The following EPHA6 variants were observed in gnomAD, a reference collection of about 807,000 sequenced individuals.
EPHA6 encodes ephrin type-A receptor 6.
A neutral mutation model predicts 112.0 loss-of-function variants in EPHA6; 50 were observed. The ratio of observed to expected loss-of-function variants is 0.45; its 90% CI spans 0.36 to 0.56. The LOEUF (loss-of-function observed/expected upper bound fraction) is 0.56. EPHA6 is among the 20% of genes least tolerant of loss of function. EPHA6 has a pLI of 0.00. For missense variants in EPHA6, 1,280 were observed against 1,417.4 expected (o/e 0.90, Z 1.56); for synonymous variants, 529 against 490.7 (o/e 1.08, Z -1.03).
intron 1 of EPHA6, among the ~76,000 whole-genome samples, chr3:96,852,904 TA>T (rs962408122): frequency 3.3e-5 from 5 of 152,150 alleles, no homozygotes; most frequent in Non-Finnish European, 5.9e-5. Context: ...TTAAAGATAA[TA>T]TCATCCATTT....
intron 13 of EPHA6, among the ~76,000 whole-genome samples, chr3:97,633,849 G>A (rs1368597813): frequency 6.6e-6 from 1 of 152,086 alleles, no homozygotes; most frequent in Admixed American, 6.6e-5. Context: ...TGTGTCATTT[G>A]TAGAGAAATA....
intron 5 of EPHA6, among the ~76,000 whole-genome samples, chr3:97,401,241 G>T (rs1458498230): frequency 6.6e-6 from 1 of 151,510 alleles, no homozygotes; most frequent in Non-Finnish European, 1.5e-5. Context: ...TTCTTTAACA[G>T]GGTGGCTGTT....
chr3:96,875,136 T>A (rs1303743203), intron 2 of EPHA6, among the ~76,000 whole-genome samples: 1 of 151,978 alleles, frequency 6.6e-6, no homozygotes, highest in Non-Finnish European at 1.5e-5. Context: ...ATAATAATAA[T>A]AATAACAGTG....
At chr3:97,092,662 C>A (rs751489078) in intron 3 of EPHA6, among the ~76,000 whole-genome samples, 10 of 151,904 alleles carry the variant, frequency 6.6e-5, no homozygotes, top group Non-Finnish European at 1.2e-4. Context: ...TATTGGTACT[C>A]TTTTCAACTT....
At chr3:97,375,527 A>G (rs567384766) in intron 5 of EPHA6, among the ~76,000 whole-genome samples, 1 of 152,266 alleles carries the variant, frequency 6.6e-6, no homozygotes, top group African/African-American at 2.4e-5. Flanking sequence ...GCCACAGACA[A>G]ATTAATCAAT....
Position 97,246,029 on chromosome 3 carries a change from A to G in EPHA6, c.1606+1742A>G, listed in dbSNP as rs115159995. Among the ~76,000 whole-genome samples, 715 of 152,182 alleles carry G rather than the reference A, an allele frequency of 4.7e-3. 5 individuals carry two copies. Among genetic ancestry groups the G allele is most frequent in the African/African-American group, 0.015 (631 of 41,566 alleles). On this transcript the variant is annotated intron_variant, in intron 5 of 17. Coordinates refer to ENST00000389672, the MANE Select transcript of EPHA6 (RefSeq NM_001080448.3). ...TACTGTGTAATTTTCCTCTTCATTT[A>G]GCATAGTTCCACATCATAGAATTTG...
At chr3:97,669,459 G>A (rs1024695817) in intron 14 of EPHA6, among the ~76,000 whole-genome samples, 2 of 151,630 alleles carry the variant, frequency 1.3e-5, no homozygotes, top group African/African-American at 4.8e-5. Context: ...AAAAAATCCA[G>A]GGTACATTTT....
At chr3:96,930,132 A>G (rs932480397) in intron 2 of EPHA6, among the ~76,000 whole-genome samples, 2 of 152,110 alleles carry the variant, frequency 1.3e-5, no homozygotes, top group African/African-American at 4.8e-5. Flanking sequence ...TTTCATCATA[A>G]TTCTTAGCTG....
In EPHA6 at chr3:97,548,266, G is replaced by A. The variant is rs182410126; in HGVS notation, c.2386+15723G>A. On this transcript the variant is annotated intron_variant, in intron 11 of 17. Coordinates refer to ENST00000389672, the MANE Select transcript of EPHA6 (RefSeq NM_001080448.3). The stretch of plus-strand genomic sequence containing the variant: ...TTATGGTTATGCATTTTTGGCAGTG[G>A]CATCACAGAAATTATACACCGTTCT... 2.6e-3 allele frequency among the ~76,000 whole-genome samples: 392 copies of A among 152,256 alleles called. 4 individuals carry two copies. Among genetic ancestry groups the A allele is most frequent in the African/African-American group, 9.1e-3 (380 of 41,552 alleles).
intron 6 of EPHA6, among the ~76,000 whole-genome samples, chr3:97,447,092 G>T (rs1337191878): frequency 6.6e-6 from 1 of 151,960 alleles, no homozygotes; most frequent in African/African-American, 2.4e-5. Flanking sequence ...CAATTCTTTA[G>T]CTAGACACAG....
intron 2 of EPHA6, among the ~76,000 whole-genome samples, chr3:96,880,771 T>C (rs2037271159): frequency 6.6e-6 from 1 of 152,206 alleles, no homozygotes; most frequent in African/African-American, 2.4e-5. Flanking sequence ...TTCATATAAA[T>C]TGAATCGAAC....
chr3:97,351,494 A>C (rs933211006), intron 5 of EPHA6, among the ~76,000 whole-genome samples: 3 of 152,218 alleles, frequency 2.0e-5, no homozygotes, highest in African/African-American at 4.8e-5. Context: ...GAATACATTG[A>C]GGTCTTAAGT....
At chr3:97,067,110 CAGTTATTTTAAG>C (rs2046202044) in intron 3 of EPHA6, among the ~76,000 whole-genome samples, 2 of 151,920 alleles carry the variant, frequency 1.3e-5, no homozygotes, top group African/African-American at 4.8e-5. Context: ...CCTTTGTCCT[CAGTTATTTTAAG>C]TAAATAATGG....
rs551411785 is a variant in EPHA6 at position 97,050,574 on chromosome 3, G to A, written c.1114+62581G>A. Among the ~76,000 whole-genome samples, 28 of 152,240 alleles carry A rather than the reference G, an allele frequency of 1.8e-4. 1 individual carries two copies. The highest frequency in any genetic ancestry group is 6.7e-4 in the African/African-American group (28 of 41,544). On this transcript the variant is annotated intron_variant, in intron 3 of 17. Transcript: ENST00000389672. ...TACTGATAAACTAAAATGGAGGGCT[G>A]CCTATCAGAAATAATTTTAAATGGG... is the stretch of plus-strand genomic sequence containing the variant.
intron 10 of EPHA6, among the ~76,000 whole-genome samples, chr3:97,492,976 T>C (rs2091889271): frequency 1.8e-5 from 2 of 113,290 alleles, no homozygotes; most frequent in Middle Eastern, 4.5e-3. Flanking sequence ...AGCTTTTCCT[T>C]TTTTTTTTTT....
intron 12 of EPHA6, among the ~76,000 whole-genome samples, chr3:97,610,004 T>G (rs181774140): frequency 6.6e-6 from 1 of 151,714 alleles, no homozygotes; most frequent in East Asian, 1.9e-4. Flanking sequence ...AGCAGTTATT[T>G]ATGTCGAATA....
chr3:97,180,013 A>G (rs958246036), intron 3 of EPHA6, among the ~76,000 whole-genome samples: 1 of 152,040 alleles, frequency 6.6e-6, no homozygotes, highest in African/African-American at 2.4e-5. Flanking sequence ...GTTGGTCCAG[A>G]TGTACTGTCT....
chr3:97,734,669 G>A (rs2035180503), intron 15 of EPHA6, among the ~76,000 whole-genome samples: 1 of 151,952 alleles, frequency 6.6e-6, no homozygotes, highest in Admixed American at 6.6e-5. Context: ...GTCCAATAGT[G>A]TAAATTTTAA....
At chr3:96,980,260 T>A (rs1033417632) in intron 2 of EPHA6, among the ~76,000 whole-genome samples, 1 of 152,322 alleles carries the variant, frequency 6.6e-6, no homozygotes, top group African/African-American at 2.4e-5. Flanking sequence ...AGTTTCAGCT[T>A]TCTACCTATG....
Sources: allele counts gnomAD v4.1 joint callset (sites outside exome capture counted in the v4.1 genomes callset), GRCh38; gene constraint gnomAD v4.1.1; transcripts MANE v1.5; gene names NCBI Gene and HGNC (gene_info 2026-07-23, HGNC 2026-07-21).